Variants in IMPG1 observed in about 807,000 individuals in gnomAD.
IMPG1 encodes the protein interphotoreceptor matrix proteoglycan 1, also known as interphotoreceptor matrix proteoglycan of 150 kDa.
IMPG1 carries 85 observed loss-of-function variants against 92.0 expected under a neutral mutation model. That is an observed-to-expected ratio of 0.92 (90% confidence interval 0.78 to 1.11). The LOEUF (loss-of-function observed/expected upper bound fraction) is 1.11, where lower values mean the gene tolerates loss of function less well. Among genes scored for constraint, IMPG1 ranks in the 50% least tolerant of loss-of-function variants. The pLI, the probability that IMPG1 is intolerant of heterozygous loss-of-function variation, is 0.00. For synonymous variants in IMPG1, 367 were observed against 334.1 expected (o/e 1.10, Z -1.08); for missense variants, 1,022 against 956.0 (o/e 1.07, Z -0.91).
At chr6:75,947,602 A>G in intron 13 of IMPG1, 69 bp from the exon 14 acceptor site, 3 of 1,055,830 alleles carry the variant, frequency 2.8e-6, no homozygotes, top group Non-Finnish European at 4.2e-6. Context: ...TTCCACTTAC[A>G]CTCACTTTTC....
intron 7 of IMPG1, among the ~76,000 whole-genome samples, chr6:76,014,647 T>A (rs1209838126): frequency 6.6e-6 from 1 of 152,162 alleles, no homozygotes; most frequent in Non-Finnish European, 1.5e-5. Context: ...CAGATTCAGA[T>A]CCTGAATCAT....
chr6:76,016,459 G>T (rs571142860), intron 7 of IMPG1, among the ~76,000 whole-genome samples: 7 of 152,310 alleles, frequency 4.6e-5, no homozygotes, highest in African/African-American at 7.2e-5. Flanking sequence ...AATTCATTTG[G>T]TCTAATAATC....
intron 1 of IMPG1, among the ~76,000 whole-genome samples, chr6:76,044,594 A>G (rs1783903890): frequency 6.6e-6 from 1 of 152,182 alleles, no homozygotes; most frequent in African/African-American, 2.4e-5. Context: ...TGGGAAGAGT[A>G]TCTACTCTAC....
chr6:76,062,026 C>T (rs1447106788), intron 1 of IMPG1, among the ~76,000 whole-genome samples: 6 of 152,152 alleles, frequency 3.9e-5, no homozygotes, highest in Admixed American at 3.9e-4. Flanking sequence ...ATTGGCATGT[C>T]TTTAAATCAT....
chr6:75,986,685 T>A (rs545954784), intron 12 of IMPG1, among the ~76,000 whole-genome samples: 1 of 152,030 alleles, frequency 6.6e-6, no homozygotes, highest in Non-Finnish European at 1.5e-5. Flanking sequence ...CTGCATAAAG[T>A]GTCAAATTGG....
chr6:76,023,084 T>C (rs553991877), intron 5 of IMPG1, among the ~76,000 whole-genome samples: 1 of 152,334 alleles, frequency 6.6e-6, no homozygotes, highest in Admixed American at 6.5e-5. Context: ...TGTGAAGTAA[T>C]TGCCCTGGGT....
At chr6:76,029,520 T>A (rs185343291) in intron 4 of IMPG1, among the ~76,000 whole-genome samples, 1 of 152,174 alleles carries the variant, frequency 6.6e-6, no homozygotes. Flanking sequence ...TCTAAACTCA[T>A]TAGTTGTTTT....
chr6:76,056,001 C>A (rs537691808), intron 1 of IMPG1, among the ~76,000 whole-genome samples: 2 of 151,830 alleles, frequency 1.3e-5, no homozygotes, highest in Non-Finnish European at 2.9e-5. Flanking sequence ...CATTTTCCTA[C>A]GACTCTTATA....
intron 2 of IMPG1, among the ~76,000 whole-genome samples, chr6:76,041,279 T>G (rs1349459059): frequency 1.3e-5 from 2 of 152,220 alleles, no homozygotes; most frequent in Non-Finnish European, 2.9e-5. Context: ...TGAAGCAGTC[T>G]TGGGGTAAAA....
At chr6:75,932,389 T>C (rs1017519694) in intron 14 of IMPG1, among the ~76,000 whole-genome samples, 2 of 152,192 alleles carry the variant, frequency 1.3e-5, no homozygotes, top group African/African-American at 4.8e-5. Flanking sequence ...TCCACTCTTA[T>C]TACCTTAAAA....
At chr6:76,007,929 G>A (rs1334745378) in intron 8 of IMPG1, among the ~76,000 whole-genome samples, 1 of 152,172 alleles carries the variant, frequency 6.6e-6, no homozygotes, top group Admixed American at 6.6e-5. Flanking sequence ...TAAATGATTA[G>A]TTTATTCCTG....
chr6:76,046,545 C>T (rs1783947285), intron 1 of IMPG1, among the ~76,000 whole-genome samples: 2 of 152,116 alleles, frequency 1.3e-5, no homozygotes, highest in Non-Finnish European at 2.9e-5. Flanking sequence ...AAGGTAGTAG[C>T]AGCACAAATC....
In IMPG1 at chr6:75,977,534, C is replaced by T. The variant is rs371906153; in HGVS notation, c.1291+25384G>A. Among the ~76,000 whole-genome samples the T allele has an allele frequency of 2.1e-4, 32 of 151,214 alleles. 1 individual carries two copies. Among genetic ancestry groups the T allele is most frequent in the Admixed American group, 1.8e-3 (27 of 15,178 alleles). ...CCCAGGAGGCAGAAGTTGTGGTGAG[C>T]CAAGATTGCACCATTGCACTCCAGC... On this transcript the variant is annotated intron_variant, in intron 12 of 16. Transcript: ENST00000369950.
chr6:75,974,860 A>G (rs1032269601), intron 12 of IMPG1, among the ~76,000 whole-genome samples: 1 of 152,184 alleles, frequency 6.6e-6, no homozygotes, highest in African/African-American at 2.4e-5. Context: ...TTAAATGAAA[A>G]TAAAGGTTGA....
At chr6:75,922,491 C>T (rs1452581805) in intron 16 of IMPG1, among the ~76,000 whole-genome samples, 1 of 152,126 alleles carries the variant, frequency 6.6e-6, no homozygotes, top group African/African-American at 2.4e-5. Context: ...CCTCAGGGAA[C>T]CCATGTGTCC....
In IMPG1 at chr6:75,922,421, A is replaced by T. The variant is rs1325705643; in HGVS notation, c.2317-255T>A. Reference sequence around the variant, plus strand: ...AGCAGGAGTGGCAGATAGTCTGTGAATGAGTCACCATTTTCCCATCCAACC... The same window carrying T: ...AGCAGGAGTGGCAGATAGTCTGTGATTGAGTCACCATTTTCCCATCCAACC... On this transcript the variant is annotated intron_variant, in intron 16 of 16. Transcript: ENST00000369950. Among the ~76,000 whole-genome samples the T allele has an allele frequency of 2.0e-5, 3 of 152,200 alleles. No individual in the cohort carries two copies. In the East Asian group the frequency reaches 5.8e-4, roughly 29 times the overall value.
rs1284435832 is a variant in IMPG1 at position 75,931,078 on chromosome 6, C to G, written c.2118G>C (p.Glu706Asp). ...FAQCVKNERT[E>D]EAECRCKPGY... ...CTGGTTTGCAGCGACACTCCGCTTCCTCAGTCCGTTCGTTCTTTACACATT... is the reference window on the plus strand; with the variant it reads ...CTGGTTTGCAGCGACACTCCGCTTCGTCAGTCCGTTCGTTCTTTACACATT... Residue 706 changes from glutamate to aspartate, a missense_variant, in exon 15 of 17, where the codon GAG (glutamate) becomes GAC (aspartate). Glu to Asp is a conservative substitution (Grantham distance 45, BLOSUM62 2). Around this residue, in one of 3 missense-constraint regions of IMPG1, gnomAD observed 332 missense variants for 346.2 expected, o/e 0.96. Transcript: ENST00000369950. 1.2e-6 allele frequency: 2 copies of G among 1,614,106 alleles called. No individual in the cohort carries two copies. The highest frequency in any genetic ancestry group is 1.3e-5 in the African/African-American group (1 of 74,946).
intron 1 of IMPG1, among the ~76,000 whole-genome samples, chr6:76,063,946 G>A (rs1784255655): frequency 6.6e-6 from 1 of 152,152 alleles, no homozygotes; most frequent in Non-Finnish European, 1.5e-5. Context: ...TGCTTCTAGA[G>A]GAGATGTGGG....
rs973285369 is a variant in IMPG1 at position 76,005,165 on chromosome 6, C to T, written c.1135+122G>A. 4.3e-6 allele frequency: 4 copies of T among 932,796 alleles called. No homozygotes were observed. In the African/African-American group the frequency reaches 6.6e-5, roughly 15 times the overall value. 57.8% of individuals were successfully genotyped at this position (932,796 alleles called of 1,614,324 possible). A position where few individuals can be genotyped will look rare whatever the true frequency, so the allele number is the denominator to read the frequency against. ...GCTAGAAATGATACCATATGTATTC[C>T]TGTCACAGTAATGATCGACTTTAGA... On this transcript the variant is annotated intron_variant, in intron 10 of 16. Transcript: ENST00000369950.
Sources: gnomAD v4.1 joint callset for allele counts (sites outside exome capture counted in the v4.1 genomes callset) on GRCh38, gnomAD v4.1.1 for gene constraint, gnomAD v4.1.1 regional missense constraint, MANE v1.5 for transcripts, NCBI Gene and HGNC (gene_info 2026-07-23, HGNC 2026-07-21) for gene names.